The following CELF2 variants were observed in gnomAD, a reference collection of about 807,000 sequenced individuals.
CELF2 encodes CUG triplet repeat RNA-binding protein 2.
A neutral mutation model predicts 62.6 loss-of-function variants in CELF2; 8 were observed. The ratio of observed to expected loss-of-function variants is 0.13; its 90% confidence interval spans 0.07 to 0.23. The LOEUF (loss-of-function observed/expected upper bound fraction) is 0.23. Ranked by LOEUF, CELF2 falls within the 10% of genes least tolerant of loss-of-function variation. The pLI is 1.00. For missense variants in CELF2, 333 were observed against 671.0 expected (o/e 0.50, Z 5.56); for synonymous variants, 258 against 250.0 (o/e 1.03, Z -0.30).
chr10:10,495,043 G>A, the CELF2 span, among the ~76,000 whole-genome samples: 19 of 152,228 alleles, frequency 1.2e-4, no homozygotes, highest in African/African-American at 3.4e-4. Context: ...TTGGGAGGCC[G>A]AGGCGGGCAG....
the CELF2 span, among the ~76,000 whole-genome samples, chr10:10,596,364 C>T: frequency 2.0e-5 from 3 of 152,270 alleles, no homozygotes; most frequent in South Asian, 4.1e-4. Flanking sequence ...GGGTTTAGAA[C>T]ATGGTTGCAG....
chr10:11,149,001 C>T (rs2062797432), intron 1 of CELF2, among the ~76,000 whole-genome samples: 1 of 152,174 alleles, frequency 6.6e-6, no homozygotes, highest in East Asian at 1.9e-4. Context: ...TGAGTTTTAA[C>T]CCATTTAGGA....
chr10:10,782,367 C>T, the CELF2 span, among the ~76,000 whole-genome samples: 86 of 152,252 alleles, frequency 5.6e-4, no homozygotes, highest in African/African-American at 1.9e-3. Context: ...TGAGATGTCC[C>T]AGCTCAATCA....
chr10:11,004,133 C>A (rs2054809725), upstream of CELF2, among the ~76,000 whole-genome samples: 1 of 152,186 alleles, frequency 6.6e-6, no homozygotes, highest in African/African-American at 2.4e-5. This position sits in a 1 kb window ranked among gnomAD's most constrained non-coding sequence, Gnocchi z 5.0. Flanking sequence ...TGTTCCAGAT[C>A]TTCAAATAGG....
chr10:10,773,340 C>A, the CELF2 span, among the ~76,000 whole-genome samples: 1 of 152,182 alleles, frequency 6.6e-6, no homozygotes, highest in Non-Finnish European at 1.5e-5. Flanking sequence ...GTGAGAAATT[C>A]TCCTGTAACT....
At chr10:11,294,404 A>G (rs2092907100) in intron 9 of CELF2, among the ~76,000 whole-genome samples, 1 of 152,210 alleles carries the variant, frequency 6.6e-6, no homozygotes, top group Non-Finnish European at 1.5e-5. Context: ...AACACAGGGC[A>G]TTTTATAAGT....
the CELF2 span, among the ~76,000 whole-genome samples, chr10:10,723,933 G>T: frequency 1.3e-5 from 2 of 152,080 alleles, no homozygotes; most frequent in Non-Finnish European, 2.9e-5. Flanking sequence ...ATGCAACTAT[G>T]ATTATTTCAT....
the CELF2 span, among the ~76,000 whole-genome samples, chr10:10,738,798 A>G: frequency 6.6e-6 from 1 of 152,248 alleles, no homozygotes; most frequent in South Asian, 2.1e-4. Flanking sequence ...ACTAAACGTG[A>G]TATCTTGGAT....
chr10:10,719,908 C>A, the CELF2 span, among the ~76,000 whole-genome samples: 1 of 152,200 alleles, frequency 6.6e-6, no homozygotes, highest in Non-Finnish European at 1.5e-5. Context: ...CTGAAAGAGA[C>A]AAAAACAGCC....
chr10:10,553,083 A>AG, the CELF2 span, among the ~76,000 whole-genome samples: 1 of 152,210 alleles, frequency 6.6e-6, no homozygotes, highest in Non-Finnish European at 1.5e-5. Context: ...ATAAGGAAAG[A>AG]GGTTTAATTG....
At chr10:10,602,756 G>A in the CELF2 span, among the ~76,000 whole-genome samples, 1 of 151,958 alleles carries the variant, frequency 6.6e-6, no homozygotes, top group Non-Finnish European at 1.5e-5. Flanking sequence ...TTTCTAAAAA[G>A]TGAGCAGGTT....
intron 1 of CELF2, among the ~76,000 whole-genome samples, chr10:10,911,385 A>G (rs1234977633): frequency 6.6e-6 from 1 of 152,228 alleles, no homozygotes; most frequent in African/African-American, 2.4e-5. Context: ...GCCAAATAAA[A>G]TCATAGCAAG....
chr10:11,216,798 A>G (rs891959640), intron 2 of CELF2, among the ~76,000 whole-genome samples: 2 of 152,234 alleles, frequency 1.3e-5, no homozygotes, highest in East Asian at 1.9e-4. Context: ...GCCAGAGTCC[A>G]CTAACATCTG....
chr10:11,229,323 A>G lies in CELF2; in HGVS notation c.354+11816A>G, dbSNP rs571113957. 2.6e-3 allele frequency among the ~76,000 whole-genome samples: 402 copies of G among 152,158 alleles called. 2 individuals carry two copies. Among genetic ancestry groups the G allele is most frequent in the Non-Finnish European group, 4.5e-3 (304 of 67,988 alleles). ...TTGAACTTGGTGTTTTCTTTTTCTC[A>G]TTTCCATTCTCTGGGAAAGACCCAG... On this transcript the variant is annotated intron_variant, in intron 3 of 12. Coordinates refer to ENST00000633077, the MANE Select transcript of CELF2 (RefSeq NM_001326342.2).
chr10:11,209,588 TTAATGC>T (rs1433562297), intron 2 of CELF2, among the ~76,000 whole-genome samples: 2 of 150,174 alleles, frequency 1.3e-5, no homozygotes, highest in Admixed American at 1.3e-4. Context: ...TTTTTTAAGG[TTAATGC>T]TAAGTTTTCT....
intron 1 of CELF2, among the ~76,000 whole-genome samples, chr10:10,863,814 C>T (rs2060191867): frequency 6.6e-6 from 1 of 152,146 alleles, no homozygotes; most frequent in South Asian, 2.1e-4. Context: ...AGAACTTACC[C>T]TCTGGTCAAA....
the CELF2 span, among the ~76,000 whole-genome samples, chr10:10,542,456 A>G: frequency 6.6e-6 from 1 of 152,220 alleles, no homozygotes; most frequent in African/African-American, 2.4e-5. Flanking sequence ...TGAAACTGCA[A>G]AGAAGGCAGC....
the CELF2 span, among the ~76,000 whole-genome samples, chr10:10,563,746 A>G: frequency 6.6e-6 from 1 of 152,216 alleles, no homozygotes; most frequent in East Asian, 1.9e-4. Context: ...GTGTTCTGTG[A>G]AGGTCCATTC....
chr10:11,147,367 G>C (rs2062465762), intron 1 of CELF2, among the ~76,000 whole-genome samples: 1 of 151,856 alleles, frequency 6.6e-6, no homozygotes, highest in Non-Finnish European at 1.5e-5. Context: ...CAAGTCAAAT[G>C]GGTCGCATTT....
Sources: allele counts gnomAD v4.1 joint callset (sites outside exome capture counted in the v4.1 genomes callset), GRCh38; gene constraint gnomAD v4.1.1; non-coding constraint Gnocchi (gnomAD v3.1); transcripts MANE v1.5; gene names NCBI Gene and HGNC (gene_info 2026-07-23, HGNC 2026-07-21).